SPAG16: variants seen among roughly 807,000 people sequenced by gnomAD.
SPAG16 encodes the protein sperm associated antigen 16, also known as sperm-associated antigen 16 protein.
In SPAG16, 86 loss-of-function variants were observed where a neutral mutation model predicts 80.4. The observed-to-expected ratio is 1.07, with a 90% CI of 0.90 to 1.28. SPAG16 has a LOEUF of 1.28. Among genes scored for constraint, SPAG16 ranks in the 50% most tolerant of loss-of-function variants. The probability of loss-of-function intolerance (pLI) is 0.00; values close to 1 mark genes in which losing one functional copy is unlikely to be tolerated. For missense variants in SPAG16, 870 were observed against 765.3 expected, an observed-to-expected ratio of 1.14 and a Z score of -1.61; for synonymous variants, 294 against 265.9, an observed-to-expected ratio of 1.11 and a Z score of -1.03.
intron 3 of SPAG16, among the ~76,000 whole-genome samples, chr2:213,298,521 T>G (rs1339338089): frequency 1.3e-5 from 2 of 152,218 alleles, no homozygotes; most frequent in Non-Finnish European, 2.9e-5. Flanking sequence ...GCTAATACAG[T>G]GCTTGGCACA....
chr2:214,230,983 A>G (rs897153990), intron 15 of SPAG16, among the ~76,000 whole-genome samples: 3 of 151,994 alleles, frequency 2.0e-5, no homozygotes, highest in South Asian at 2.1e-4. Context: ...CAAAGATCTT[A>G]AATTGGAAGC....
At chr2:214,065,263 A>C (rs2125199913) in intron 13 of SPAG16, among the ~76,000 whole-genome samples, 1 of 152,182 alleles carries the variant, frequency 6.6e-6, no homozygotes, top group Non-Finnish European at 1.5e-5. Context: ...AATTCTTCTG[A>C]TCATCTTTAA....
chr2:213,613,132 A>G (rs1371708917), intron 10 of SPAG16, among the ~76,000 whole-genome samples: 1 of 152,106 alleles, frequency 6.6e-6, no homozygotes, highest in Admixed American at 6.5e-5. Context: ...AGTCCAAGCT[A>G]TTATTCCATA....
intron 5 of SPAG16, among the ~76,000 whole-genome samples, chr2:213,336,855 G>A (rs1040222101): frequency 2.0e-5 from 3 of 152,104 alleles, no homozygotes; most frequent in African/African-American, 4.8e-5. Flanking sequence ...CAGCACACCC[G>A]CTCCACCAAG....
At chr2:213,422,063 C>T (rs920078350) in intron 9 of SPAG16, 4 of 609,034 alleles carry the variant, frequency 6.6e-6, no homozygotes, top group Admixed American at 2.6e-5. Context: ...AACTCGGGAC[C>T]CACTAACTGG....
chr2:213,291,310 T>TTA (rs2062265082), intron 1 of SPAG16, among the ~76,000 whole-genome samples: 1 of 152,234 alleles, frequency 6.6e-6, no homozygotes, highest in African/African-American at 2.4e-5. Flanking sequence ...TACTGCCAGC[T>TTA]AGCTAGCCAG....
chr2:214,309,237 G>A (rs555199656), intron 15 of SPAG16, among the ~76,000 whole-genome samples: 1 of 151,944 alleles, frequency 6.6e-6, no homozygotes, highest in South Asian at 2.1e-4. Flanking sequence ...TTCTGTCAGG[G>A]TGGCTATGTT....
chr2:213,637,501 C>G (rs1438973851), intron 10 of SPAG16, among the ~76,000 whole-genome samples: 1 of 152,154 alleles, frequency 6.6e-6, no homozygotes, highest in Non-Finnish European at 1.5e-5. Context: ...TTTGGAGTAG[C>G]TTCAGTAGGA....
intron 15 of SPAG16, among the ~76,000 whole-genome samples, chr2:214,302,031 G>C (rs969760992): frequency 6.6e-6 from 1 of 151,806 alleles, no homozygotes; most frequent in East Asian, 1.9e-4. Context: ...TTTGTTGTTT[G>C]TTTGCCCAAA....
chr2:214,065,881 C>T (rs116194902), intron 13 of SPAG16, among the ~76,000 whole-genome samples: 161 of 152,242 alleles, frequency 1.1e-3, no homozygotes, highest in African/African-American at 3.7e-3. Context: ...TTCTGTTTGA[C>T]CAGCTCCTCT....
intron 12 of SPAG16, among the ~76,000 whole-genome samples, chr2:213,994,730 C>T (rs1358630305): frequency 6.6e-6 from 1 of 152,004 alleles, no homozygotes; most frequent in Non-Finnish European, 1.5e-5. Flanking sequence ...CTCCATATTA[C>T]AGCTATAATA....
chr2:213,951,932 C>T (rs369263406), intron 12 of SPAG16, among the ~76,000 whole-genome samples: 12 of 152,108 alleles, frequency 7.9e-5, no homozygotes, highest in South Asian at 6.2e-4. Context: ...ACTGATGGAG[C>T]GCATCAAAGA....
intron 9 of SPAG16, among the ~76,000 whole-genome samples, chr2:213,449,446 T>TC (rs1016962215): frequency 6.6e-6 from 1 of 152,066 alleles, no homozygotes; most frequent in Non-Finnish European, 1.5e-5. Context: ...TTACACCCCC[T>TC]CCCCTTTTGA....
intron 10 of SPAG16, among the ~76,000 whole-genome samples, chr2:213,747,269 CTAAG>C (rs2067870444): frequency 6.6e-6 from 1 of 151,908 alleles, no homozygotes; most frequent in African/African-American, 2.4e-5. Context: ...GTGTCTTAAC[CTAAG>C]TGTTATTTCA....
At chr2:213,324,900 T>G (rs1343421139) in intron 5 of SPAG16, among the ~76,000 whole-genome samples, 1 of 152,096 alleles carries the variant, frequency 6.6e-6, no homozygotes, top group Non-Finnish European at 1.5e-5. Flanking sequence ...CTACTAACAT[T>G]GAGTGTTGTT....
chr2:213,990,997 T>C (rs1367538953), intron 12 of SPAG16, among the ~76,000 whole-genome samples: 1 of 151,284 alleles, frequency 6.6e-6, no homozygotes, highest in Non-Finnish European at 1.5e-5. Context: ...AATCCACTTA[T>C]TTTTTTTTCT....
At chr2:213,344,365 T>C (rs977279458) in intron 6 of SPAG16, among the ~76,000 whole-genome samples, 1 of 152,080 alleles carries the variant, frequency 6.6e-6, no homozygotes, top group Non-Finnish European at 1.5e-5. Context: ...GAATCAACCT[T>C]ATTCACTGGA....
Position 214,023,637 on chromosome 2 carries a change from T to C in SPAG16, c.1527+9560T>C, listed in dbSNP as rs147350832. 9.4e-3 allele frequency among the ~76,000 whole-genome samples: 1,430 copies of C among 151,972 alleles called. 19 individuals are homozygous for C. The highest frequency in any genetic ancestry group is 0.032 in the African/African-American group (1,326 of 41,548). Reference sequence around the variant, plus strand: ...GTATTTTTAATACACAGTAAAAACATTGTATCTTAAATAGTAGATCAATTT... The same window carrying C: ...GTATTTTTAATACACAGTAAAAACACTGTATCTTAAATAGTAGATCAATTT... On this transcript the variant is annotated intron_variant, in intron 13 of 15. Transcript: ENST00000331683.
chr2:213,980,677 GTGTGTATATATAGAATATA>G (rs1403736850), intron 12 of SPAG16, among the ~76,000 whole-genome samples: 6 of 141,004 alleles, frequency 4.3e-5, no homozygotes, highest in South Asian at 2.2e-4. Flanking sequence ...TAGAATATAT[GTGTGTATATATAGAATATA>G]TGTGTGTGTG....
Sources: allele counts gnomAD v4.1 joint callset (sites outside exome capture counted in the v4.1 genomes callset), GRCh38; gene constraint gnomAD v4.1.1; transcripts MANE v1.5; gene names NCBI Gene and HGNC (gene_info 2026-07-23, HGNC 2026-07-21).